The following PHGDH variants were observed in gnomAD, a reference collection of about 807,000 sequenced individuals.
PHGDH encodes phosphoglycerate dehydrogenase, also known as D-3-phosphoglycerate dehydrogenase.
A neutral mutation model predicts 52.6 loss-of-function variants in PHGDH; 50 were observed. The observed-to-expected ratio is 0.95, with a 90% confidence interval of 0.76 to 1.20. PHGDH has a LOEUF of 1.20. Among genes scored for constraint, PHGDH ranks in the 50% most tolerant of loss-of-function variants. The pLI is 0.00. For missense variants in PHGDH, 630 were observed against 684.6 expected (o/e 0.92, Z 0.89); for synonymous variants, 271 against 280.5 (o/e 0.97, Z 0.34).
intron 1 of PHGDH, chr1:119,712,529 C>G (rs927599056): frequency 6.2e-6 from 2 of 322,398 alleles, no homozygotes; most frequent in South Asian, 5.2e-5. Context: ...CGCGCCGCCT[C>G]TCCCCCAACC....
rs1652286378 is a variant in PHGDH, at chr1:119,743,023, G to A, written c.1426G>A (p.Ala476Thr). The change falls in exon 11 of 12, where the codon GCA becomes ACA. Residue 476 changes from alanine (A) to threonine (T), a missense_variant. Transcript: ENST00000641023. Reference protein sequence around the residue: ...LLFRTQTSDPAMLPTMIGLLA... With the variant: ...LLFRTQTSDPTMLPTMIGLLA... ...ATTCCGGACTCAGACCTCTGACCCTGCAATGCTGCCTACCATGATTGGTGA... is the reference window on the plus strand; with the variant it reads ...ATTCCGGACTCAGACCTCTGACCCTACAATGCTGCCTACCATGATTGGTGA... The A allele has an allele frequency of 3.7e-6, 6 of 1,611,300 alleles. No individual in the cohort carries two copies. In the Admixed American group the frequency reaches 5.0e-5, roughly 13 times the overall value.
chr1:119,727,221 C>G (rs1353034045), intron 5 of PHGDH, 119 bp downstream of exon 5: 1 of 723,240 alleles, frequency 1.4e-6, no homozygotes, highest in Non-Finnish European at 2.5e-6. Context: ...CTCTTGGAGC[C>G]CCCATCTAAA....
At position 119,741,900 on chromosome 1, in the gene PHGDH, G is replaced by T; in HGVS notation, c.1209+3G>T. 2.5e-6 allele frequency: 4 copies of T among 1,613,052 alleles called. No homozygotes were observed. The highest frequency in any genetic ancestry group is 3.4e-6 in the Non-Finnish European group (4 of 1,179,134). On this transcript the variant is annotated splice_donor_region_variant and intron_variant, in intron 10 of 11. Transcript: ENST00000641023. Reference sequence around the variant, plus strand: ...TGGTGAAAGAGGCTGGCCTCAATGTGCGCCCCTCTCCCCCACGCTGCCTCC... The same window carrying T: ...TGGTGAAAGAGGCTGGCCTCAATGTTCGCCCCTCTCCCCCACGCTGCCTCC...
At chr1:119,718,104 G>A (rs1651009232) in intron 1 of PHGDH, among the ~76,000 whole-genome samples, 1 of 152,208 alleles carries the variant, frequency 6.6e-6, no homozygotes, top group African/African-American at 2.4e-5. Flanking sequence ...GCTGGGAGGA[G>A]CAGGTCACCA....
chr1:119,727,821 G>C (rs1019443290), intron 5 of PHGDH: 1 of 152,584 alleles, frequency 6.6e-6, no homozygotes, highest in Non-Finnish European at 1.5e-5. Flanking sequence ...GCGACAGAGC[G>C]AGACTCCGTC....
At position 119,723,445 on chromosome 1, in the gene PHGDH, A is replaced by G; in HGVS notation, c.356+4A>G. 1 of 1,610,372 alleles carries G rather than the reference A, an allele frequency of 6.2e-7. No individual in the cohort carries two copies. The highest frequency in any genetic ancestry group is 8.5e-7 in the Non-Finnish European group (1 of 1,176,570). The stretch of plus-strand genomic sequence containing the variant: ...GAATGATCATGTGCCTGGCCAGGTA[A>G]GTCCCTGACTTCTCAGCAAAGCTAG... On this transcript the variant is annotated splice_donor_region_variant and intron_variant, in intron 3 of 11. Transcript: ENST00000641023.
chr1:119,723,304 G>C (rs1651258291), intron 2 of PHGDH, 72 bp from the exon 3 acceptor site: 3 of 1,200,176 alleles, frequency 2.5e-6, no homozygotes, highest in Non-Finnish European at 2.5e-6. Context: ...TGCACTCAAG[G>C]CTTTCTCTTG....
At position 119,726,724 on chromosome 1, in the gene PHGDH, A is replaced by G; in HGVS notation, c.357-127A>G. 3.9e-6 allele frequency: 3 copies of G among 772,318 alleles called. No individual in the cohort carries two copies. The East Asian group carries it at 7.7e-5, about 20-fold the overall frequency. The allele number at this position is 772,318 out of a possible 1,614,324, so 47.8% of individuals were successfully genotyped here. ...CCCCCATCAGTGTTCCTAAACCTGA[A>G]CCCCCAGACCCAGTTCTTGGGGAAG... On this transcript the variant is annotated intron_variant, in intron 3 of 11. Coordinates refer to ENST00000641023, the MANE Select transcript of PHGDH (RefSeq NM_006623.4).
chr1:119,731,908 C>T (rs1261601219), intron 5 of PHGDH, among the ~76,000 whole-genome samples: 1 of 152,202 alleles, frequency 6.6e-6, no homozygotes, highest in East Asian at 1.9e-4. Context: ...AGCAGTGATT[C>T]TCAAACTCAA....
At chr1:119,723,278 G>T (rs587731269) in intron 2 of PHGDH, 98 bp from the exon 3 acceptor site, 1 of 933,850 alleles carries the variant, frequency 1.1e-6, no homozygotes, top group African/African-American at 1.6e-5. Context: ...TGGAGCAGGA[G>T]TGAGAGAACA....
chr1:119,722,727 C>CA (rs149248198), intron 2 of PHGDH, among the ~76,000 whole-genome samples: 180 of 125,972 alleles, frequency 1.4e-3, no homozygotes, highest in African/African-American at 3.3e-3. Flanking sequence ...TACAAAAATA[C>CA]AAAAAAAAAA....
At chr1:119,743,475 G>A (rs1024775720) in intron 11 of PHGDH, among the ~76,000 whole-genome samples, 4 of 152,156 alleles carry the variant, frequency 2.6e-5, no homozygotes, top group African/African-American at 4.8e-5. Flanking sequence ...CATGGTAGGC[G>A]TCTTGGACCT....
At chr1:119,715,321 C>G (rs1385180515) in intron 1 of PHGDH, among the ~76,000 whole-genome samples, 1 of 152,198 alleles carries the variant, frequency 6.6e-6, no homozygotes, top group African/African-American at 2.4e-5. Context: ...CATATCAGTA[C>G]TTGAAGAAAG....
intron 1 of PHGDH, among the ~76,000 whole-genome samples, chr1:119,715,018 A>G (rs1650862310): frequency 6.6e-6 from 1 of 152,240 alleles, no homozygotes; most frequent in Non-Finnish European, 1.5e-5. Context: ...TGGAACTCAC[A>G]TCTTAAATAT....
intron 9 of PHGDH, 30 bp downstream of exon 9, chr1:119,740,548 G>A (rs949032288): frequency 2.6e-5 from 40 of 1,539,332 alleles, no homozygotes; most frequent in Middle Eastern, 1.7e-4. Flanking sequence ...GAGGGAGGGG[G>A]AGGAGGGGAT....
intron 5 of PHGDH, among the ~76,000 whole-genome samples, chr1:119,732,698 C>T (rs1461284608): frequency 6.6e-6 from 1 of 152,222 alleles, no homozygotes; most frequent in African/African-American, 2.4e-5. Flanking sequence ...AAGAAGGAAG[C>T]TGAGTCAGTG....
At chr1:119,727,386 C>A in intron 5 of PHGDH, 1 of 485,040 alleles carries the variant, frequency 2.1e-6, no homozygotes, top group East Asian at 3.9e-5. Context: ...ACTTTGGTTC[C>A]TGTCTTCTTA....
At position 119,734,652 on chromosome 1, in the gene PHGDH, A is replaced by G. The variant is rs1651852198; in HGVS notation, c.529A>G (p.Ile177Val). Residue 177 changes from isoleucine (I) to valine (V), a missense_variant, in exon 6 of 12, where the codon ATC becomes GTC. Ile to Val is a conservative substitution (Grantham distance 29, BLOSUM62 3). Transcript: ENST00000641023. ...CAACCAGACTATAGGGTATGACCCC[A>G]TCATTTCCCCAGAGGTCTCGGCCTC... Reference protein sequence around the residue: ...FGMKTIGYDPIISPEVSASFG... With the variant: ...FGMKTIGYDPVISPEVSASFG... 6.2e-7 allele frequency: 1 copy of G among 1,614,016 alleles called. No individual in the cohort carries two copies. The highest frequency in any genetic ancestry group is 1.1e-5 in the South Asian group (1 of 91,080).
intron 1 of PHGDH, chr1:119,716,043 A>C (rs1196683211): frequency 6.6e-6 from 1 of 152,516 alleles, no homozygotes; most frequent in African/African-American, 2.4e-5. Flanking sequence ...GCTTGGGTGC[A>C]GGGGCTTTGA....
Sources: allele counts gnomAD v4.1 joint callset (sites outside exome capture counted in the v4.1 genomes callset), GRCh38; gene constraint gnomAD v4.1.1; transcripts MANE v1.5; gene names NCBI Gene and HGNC (gene_info 2026-07-23, HGNC 2026-07-21).